NAA11: variants seen among roughly 807,000 people sequenced by gnomAD.
NAA11 encodes N-alpha-acetyltransferase 11, NatA catalytic subunit.
In NAA11, 15 loss-of-function variants were observed where a neutral mutation model predicts 16.1. That is an observed-to-expected ratio of 0.93 (90% CI 0.62 to 1.44). The LOEUF (loss-of-function observed/expected upper bound fraction) is 1.44. NAA11 is among the 40% of genes most tolerant of loss of function. The pLI, the probability that NAA11 is intolerant of heterozygous loss-of-function variation, is 0.00. For missense variants in NAA11, 298 were observed against 291.3 expected (o/e 1.02, Z -0.17); for synonymous variants, 122 against 112.4 (o/e 1.09, Z -0.54).
intron 2 of NAA11, among the ~76,000 whole-genome samples, chr4:79,247,050 T>C (rs1721855323): frequency 6.6e-6 from 1 of 152,116 alleles, no homozygotes; most frequent in Non-Finnish European, 1.5e-5. Flanking sequence ...CAAACGTCAA[T>C]GGTAGTGGTG....
intron 2 of NAA11, among the ~76,000 whole-genome samples, chr4:79,258,612 C>T (rs1471050805): frequency 6.6e-6 from 1 of 152,130 alleles, no homozygotes; most frequent in African/African-American, 2.4e-5. Flanking sequence ...GGCCTGCAGG[C>T]ACCCCTTGGC....
chr4:79,214,033 T>C, the NAA11 span, among the ~76,000 whole-genome samples: 1 of 152,188 alleles, frequency 6.6e-6, no homozygotes, highest in East Asian at 1.9e-4. Flanking sequence ...CATTGGTAGC[T>C]TTAAATTAAC....
the NAA11 span, among the ~76,000 whole-genome samples, chr4:79,180,889 A>G: frequency 3.9e-5 from 6 of 152,224 alleles, no homozygotes; most frequent in Admixed American, 2.0e-4. Flanking sequence ...ACCATGGAAT[A>G]CTATGCAGCC....
chr4:79,311,219 A>C (rs1189291473), intron 1 of NAA11, among the ~76,000 whole-genome samples: 1 of 152,194 alleles, frequency 6.6e-6, no homozygotes, highest in Admixed American at 6.5e-5. Context: ...TTGTACTGGC[A>C]TGCAAAAATT....
the NAA11 span, among the ~76,000 whole-genome samples, chr4:79,177,318 G>GGCC: frequency 6.6e-6 from 1 of 151,620 alleles, no homozygotes. Context: ...CCAGAAGACG[G>GGCC]TGTCTCCCCT....
chr4:79,173,056 A>G, the NAA11 span, among the ~76,000 whole-genome samples: 1 of 152,172 alleles, frequency 6.6e-6, no homozygotes, highest in Non-Finnish European at 1.5e-5. Context: ...ACCAATATGG[A>G]AACTCCAGCG....
downstream of NAA11, among the ~76,000 whole-genome samples, chr4:79,221,189 G>A (rs529711393): frequency 6.6e-6 from 1 of 151,828 alleles, no homozygotes; most frequent in Non-Finnish European, 1.5e-5. Context: ...TGTTGTTAGT[G>A]TATAAGAATG....
intron 1 of NAA11, among the ~76,000 whole-genome samples, chr4:79,296,205 C>A (rs975608780): frequency 3.9e-5 from 6 of 152,140 alleles, no homozygotes; most frequent in Non-Finnish European, 2.9e-5. Flanking sequence ...CCTAGTTAAT[C>A]TTCATCATAA....
the NAA11 span, among the ~76,000 whole-genome samples, chr4:79,176,226 A>G: frequency 6.6e-6 from 1 of 152,184 alleles, no homozygotes; most frequent in Non-Finnish European, 1.5e-5. Context: ...GCTATTACAA[A>G]GTGATATGCA....
At chr4:79,211,809 A>G in the NAA11 span, 1 of 152,202 alleles carries the variant, frequency 6.6e-6, no homozygotes, top group East Asian at 1.9e-4. Context: ...ACCAAGGTAA[A>G]TTCCTTAGAA....
At chr4:79,162,351 T>C in the NAA11 span, among the ~76,000 whole-genome samples, 7 of 152,212 alleles carry the variant, frequency 4.6e-5, no homozygotes, top group East Asian at 1.9e-4. Context: ...TTCTGCCTAA[T>C]AAAAAACTGG....
intron 2 of NAA11, among the ~76,000 whole-genome samples, chr4:79,245,867 C>T (rs1243191508): frequency 6.6e-6 from 1 of 152,226 alleles, no homozygotes; most frequent in Admixed American, 6.5e-5. Context: ...GCGGCCACCC[C>T]TTCTGGGAGG....
exon 3 of NAA11, chr4:79,225,722 G>A (rs1721294020): frequency 6.6e-6 from 1 of 152,066 alleles, no homozygotes. Context: ...CTTTAAGTCT[G>A]GAGTCTTACT....
chr4:79,229,266 T>C (rs1721402200), intron 2 of NAA11, among the ~76,000 whole-genome samples: 1 of 151,994 alleles, frequency 6.6e-6, no homozygotes, highest in Non-Finnish European at 1.5e-5. Flanking sequence ...TTGATATTCA[T>C]CTTTTACATG....
intron 2 of NAA11, among the ~76,000 whole-genome samples, chr4:79,248,999 C>A (rs543437316): frequency 6.6e-6 from 1 of 152,198 alleles, no homozygotes. Flanking sequence ...GAGCCCCCCC[C>A]CAGTGCAGCA....
At chr4:79,189,433 T>G in the NAA11 span, among the ~76,000 whole-genome samples, 1 of 152,102 alleles carries the variant, frequency 6.6e-6, no homozygotes, top group African/African-American at 2.4e-5. Context: ...AGCTATTCTT[T>G]CCAAAAGACT....
the NAA11 span, among the ~76,000 whole-genome samples, chr4:79,157,335 G>A: frequency 6.6e-6 from 1 of 152,008 alleles, no homozygotes; most frequent in African/African-American, 2.4e-5. Context: ...TCCCACTTAT[G>A]AGTGAGAACA....
At chr4:79,249,383 C>T (rs886738526) in intron 2 of NAA11, among the ~76,000 whole-genome samples, 1 of 152,122 alleles carries the variant, frequency 6.6e-6, no homozygotes, top group Non-Finnish European at 1.5e-5. Flanking sequence ...TAAAACAATA[C>T]GTGAGCTGAT....
At chr4:79,188,431 A>G in the NAA11 span, among the ~76,000 whole-genome samples, 6,817 of 152,032 alleles carry the variant, frequency 0.045, 208 homozygotes, top group Middle Eastern at 0.11. Flanking sequence ...TAAAAATACA[A>G]AAAATTAGCC....
Sources: allele counts gnomAD v4.1 joint callset (sites outside exome capture counted in the v4.1 genomes callset), GRCh38; gene constraint gnomAD v4.1.1; transcripts MANE v1.5; gene names NCBI Gene and HGNC (gene_info 2026-07-23, HGNC 2026-07-21).